The following RSU1 variants were observed in gnomAD, a reference collection of about 807,000 sequenced individuals.
The protein encoded by RSU1 is rsu-1.
A neutral mutation model predicts 31.1 loss-of-function variants in RSU1; 26 were observed. That is an observed-to-expected ratio of 0.84 (90% CI 0.61 to 1.16). RSU1 has a LOEUF of 1.16. Ranked by LOEUF, RSU1 falls within the 50% of genes most tolerant of loss-of-function variation. The probability of loss-of-function intolerance (pLI) is 0.00; values close to 1 mark genes in which losing one functional copy is unlikely to be tolerated. For synonymous variants in RSU1, 164 were observed against 136.3 expected, an observed-to-expected ratio of 1.20 and a Z score of -1.41; for missense variants, 320 against 339.1, an observed-to-expected ratio of 0.94 and a Z score of 0.44.
chr10:16,798,166 G>A (rs1838080496), intron 2 of RSU1, among the ~76,000 whole-genome samples: 2 of 152,098 alleles, frequency 1.3e-5, no homozygotes, highest in Admixed American at 1.3e-4. Flanking sequence ...TTAAAACAAA[G>A]AAATGAAGCA....
At chr10:16,709,789 G>T (rs1490887831) in intron 7 of RSU1, among the ~76,000 whole-genome samples, 1 of 152,132 alleles carries the variant, frequency 6.6e-6, no homozygotes, top group Non-Finnish European at 1.5e-5. Context: ...CTGCATAAAT[G>T]TCTTCTTTTG....
At chr10:16,809,576 T>G (rs1838359403) in intron 2 of RSU1, among the ~76,000 whole-genome samples, 1 of 152,184 alleles carries the variant, frequency 6.6e-6, no homozygotes, top group Non-Finnish European at 1.5e-5. Flanking sequence ...CATTTTTACA[T>G]CATCCTTTGG....
chr10:16,687,008 G>A (rs868329549), intron 8 of RSU1, among the ~76,000 whole-genome samples: 54 of 152,318 alleles, frequency 3.5e-4, no homozygotes, highest in African/African-American at 1.3e-3. Context: ...CCAGGTCCCA[G>A]TCAGAGCTCC....
At chr10:16,660,087 C>G (rs750373628) in intron 8 of RSU1, among the ~76,000 whole-genome samples, 3 of 152,184 alleles carry the variant, frequency 2.0e-5, no homozygotes, top group Non-Finnish European at 4.4e-5. Flanking sequence ...CTGGAGCAGA[C>G]AGCAGATTTG....
chr10:16,652,392 C>CAAAAAAAAA (rs71505091), intron 8 of RSU1, among the ~76,000 whole-genome samples: 11 of 89,114 alleles, frequency 1.2e-4, no homozygotes, highest in African/African-American at 1.6e-4. Flanking sequence ...TGCCCCAAAG[C>CAAAAAAAAA]AAAAAAAAAA....
chr10:16,669,517 CAA>C (rs954121890), intron 8 of RSU1, among the ~76,000 whole-genome samples: 5 of 152,204 alleles, frequency 3.3e-5, no homozygotes, highest in Admixed American at 3.3e-4. Flanking sequence ...TCCACATCAT[CAA>C]AGAGAAACCT....
At chr10:16,617,168 A>G (rs1039670194) in intron 8 of RSU1, among the ~76,000 whole-genome samples, 2 of 152,262 alleles carry the variant, frequency 1.3e-5, no homozygotes, top group African/African-American at 4.8e-5. Flanking sequence ...TGCAAAAATC[A>G]CAAGCATTCC....
intron 7 of RSU1, among the ~76,000 whole-genome samples, chr10:16,745,631 G>A (rs930347934): frequency 9.2e-5 from 14 of 152,082 alleles, no homozygotes; most frequent in South Asian, 2.1e-4. Context: ...GCACAGGAAA[G>A]ACCCGCCCCC....
rs1484999623 is a variant in RSU1, at chr10:16,591,222, A to C, written c.*2172T>G. The C allele has an allele frequency of 6.6e-6, 1 of 152,178 alleles. No individual in the cohort carries two copies. Among genetic ancestry groups the C allele is most frequent in the Non-Finnish European group, 1.5e-5 (1 of 68,036 alleles). The allele number at this position is 152,178 out of a possible 1,614,324, so 9.4% of individuals were successfully genotyped here. A position where few individuals can be genotyped will look rare whatever the true frequency, so the allele number is the denominator to read the frequency against. ...CCACTGTGCCTGGCCGTTGTTCAACAATTTTTAATGTCATAAAAGCCTCAT... is the reference window on the plus strand; with the variant it reads ...CCACTGTGCCTGGCCGTTGTTCAACCATTTTTAATGTCATAAAAGCCTCAT... On this transcript the variant is annotated 3_prime_UTR_variant, in exon 9 of 9. Coordinates refer to ENST00000345264, the MANE Select transcript of RSU1 (RefSeq NM_012425.4).
At chr10:16,765,605 T>C (rs1011846020) in intron 3 of RSU1, among the ~76,000 whole-genome samples, 1 of 152,226 alleles carries the variant, frequency 6.6e-6, no homozygotes, top group Non-Finnish European at 1.5e-5. Context: ...GGAGTTTCCA[T>C]AGACTGTAAT....
At chr10:16,619,104 A>G (rs760910163) in intron 8 of RSU1, among the ~76,000 whole-genome samples, 14 of 152,224 alleles carry the variant, frequency 9.2e-5, no homozygotes, top group Admixed American at 1.3e-4. Context: ...AATGTTTACA[A>G]TTCTGACCAA....
At chr10:16,664,773 T>C (rs1384077961) in intron 8 of RSU1, among the ~76,000 whole-genome samples, 2 of 152,336 alleles carry the variant, frequency 1.3e-5, no homozygotes, top group Admixed American at 6.5e-5. Context: ...TAATGAAGTC[T>C]TTAGCAGTTT....
intron 7 of RSU1, among the ~76,000 whole-genome samples, chr10:16,708,307 A>G (rs539723578): frequency 3.3e-5 from 5 of 152,302 alleles, no homozygotes; most frequent in African/African-American, 1.2e-4. Flanking sequence ...GGAAGAGTAA[A>G]TATATTTATT....
At chr10:16,684,687 A>G (rs1835407084) in intron 8 of RSU1, among the ~76,000 whole-genome samples, 1 of 152,190 alleles carries the variant, frequency 6.6e-6, no homozygotes, top group Non-Finnish European at 1.5e-5. Flanking sequence ...CTAGAACATG[A>G]GACAATGAAT....
At chr10:16,612,249 G>A (rs1833903560) in intron 8 of RSU1, among the ~76,000 whole-genome samples, 1 of 152,200 alleles carries the variant, frequency 6.6e-6, no homozygotes, top group Non-Finnish European at 1.5e-5. Flanking sequence ...TTTTTTAAAT[G>A]TTGCAATATG....
chr10:16,744,104 TG>T (rs1836801859), intron 7 of RSU1, among the ~76,000 whole-genome samples: 2 of 148,618 alleles, frequency 1.3e-5, no homozygotes, highest in Non-Finnish European at 3.0e-5. Context: ...CAAGCCAGTC[TG>T]GGTGACACAG....
intron 8 of RSU1, among the ~76,000 whole-genome samples, chr10:16,662,883 T>G (rs944382975): frequency 2.0e-5 from 3 of 151,654 alleles, no homozygotes. Context: ...TCTGTGAAGT[T>G]AAAGATAAGA....
At chr10:16,632,042 G>T (rs1834259748) in intron 8 of RSU1, among the ~76,000 whole-genome samples, 2 of 152,134 alleles carry the variant, frequency 1.3e-5, no homozygotes, top group African/African-American at 4.8e-5. Flanking sequence ...CTCTCAGCAT[G>T]GGCCCTACCC....
chr10:16,598,608 A>T (rs1833660754), intron 8 of RSU1, among the ~76,000 whole-genome samples: 1 of 152,220 alleles, frequency 6.6e-6, no homozygotes, highest in African/African-American at 2.4e-5. Context: ...TGAAGATGTT[A>T]CACTGCAGTC....
Sources: allele counts gnomAD v4.1 joint callset (sites outside exome capture counted in the v4.1 genomes callset), GRCh38; gene constraint gnomAD v4.1.1; transcripts MANE v1.5; gene names NCBI Gene and HGNC (gene_info 2026-07-23, HGNC 2026-07-21).